GLB1: variants seen among roughly 807,000 people sequenced by gnomAD.
GLB1 encodes the protein beta-galactosidase.
In GLB1, 56 loss-of-function variants were observed where a neutral mutation model predicts 74.0. The ratio of observed to expected loss-of-function variants is 0.76; its 90% CI spans 0.61 to 0.94. The LOEUF (loss-of-function observed/expected upper bound fraction) is 0.94, where lower values mean the gene tolerates loss of function less well. Ranked by LOEUF, GLB1 falls within the 40% of genes least tolerant of loss-of-function variation. The pLI is 0.00. For synonymous variants in GLB1, 323 were observed against 323.6 expected (o/e 1.00, Z 0.02); for missense variants, 787 against 845.5 (o/e 0.93, Z 0.86).
At position 33,088,572 on chromosome 3, in the gene GLB1, T is replaced by C. The variant is rs575912152; in HGVS notation, c.75+8439A>G. ...TCAAAAAGAATAAAATACTTAGAAA[T>C]AGGCCTAACTAAGGTGAAAGACTAC... On this transcript the variant is annotated intron_variant, in intron 1 of 15. Coordinates refer to ENST00000307363, the MANE Select transcript of GLB1 (RefSeq NM_000404.4). Among the ~76,000 whole-genome samples the C allele has an allele frequency of 6.6e-5, 10 of 152,056 alleles. No homozygotes were observed. The South Asian group carries it at 2.1e-3, about 32-fold the overall frequency.
At chr3:33,010,842 CT>C (rs35201739) in intron 15 of GLB1, among the ~76,000 whole-genome samples, 40,961 of 151,870 alleles carry the variant, frequency 0.27, 6,145 homozygotes, top group East Asian at 0.47. Flanking sequence ...AAACAGCATA[CT>C]TTTTTTGTTT....
At chr3:33,094,424 T>C in intron 1 of GLB1, 1 of 1,185,326 alleles carries the variant, frequency 8.4e-7, no homozygotes, top group Admixed American at 3.6e-5. Context: ...CAAATACCAG[T>C]CAGTTGCTAG....
chr3:33,023,552 C>T (rs753423754), intron 11 of GLB1, among the ~76,000 whole-genome samples: 67 of 151,162 alleles, frequency 4.4e-4, no homozygotes, highest in South Asian at 1.5e-3. Flanking sequence ...AAATAGGTAA[C>T]GGTTCTTTTT....
chr3:32,971,882 G>A, the GLB1 span, among the ~76,000 whole-genome samples: 1 of 152,170 alleles, frequency 6.6e-6, no homozygotes, highest in African/African-American at 2.4e-5. Flanking sequence ...CGGGCATATC[G>A]GCAACTGCTG....
intron 1 of GLB1, among the ~76,000 whole-genome samples, chr3:33,081,196 T>G (rs1381830879): frequency 6.6e-6 from 1 of 152,202 alleles, no homozygotes; most frequent in Non-Finnish European, 1.5e-5. Context: ...CAGAGGCTTC[T>G]GTGGCAATGT....
chr3:33,028,346 G>A (rs1170257761), intron 10 of GLB1, among the ~76,000 whole-genome samples: 1 of 152,034 alleles, frequency 6.6e-6, no homozygotes, highest in African/African-American at 2.4e-5. Flanking sequence ...TTCCTTTCTT[G>A]CTATTATGGT....
In GLB1 at chr3:33,068,697, T is replaced by G. The variant is rs189512283; in HGVS notation, c.396+123A>C. 2,828 of 1,564,200 alleles carry G rather than the reference T, an allele frequency of 1.8e-3. 2 individuals carry two copies. Among genetic ancestry groups the G allele is most frequent in the Non-Finnish European group, 2.3e-3 (2,606 of 1,151,836 alleles). On this transcript the variant is annotated intron_variant, in intron 3 of 15. Transcript: ENST00000307363. ...ACCTTGTCAAGGTAAAAGACACCTG[T>G]GCTGGGTACAGTCCCAGGCCCCATG...
At position 33,051,615 on chromosome 3, in the gene GLB1, A is replaced by AAAAAAG. The variant is rs764769471; in HGVS notation, c.955+142_955+143insCTTTTT. On this transcript the variant is annotated intron_variant, in intron 9 of 15. Transcript: ENST00000307363. ...GTGAGACTGTCTACAAAAAAAAAAA[A>AAAAAAG]AAAAGAAAAAGAAAAAAAAAGAAAA... The AAAAAAG allele has an allele frequency of 0.011, 13,290 of 1,168,968 alleles. 494 individuals carry two copies. The East Asian group carries it at 0.23, about 20-fold the overall frequency. The allele number at this position is 1,168,968 out of a possible 1,614,324, so 72.4% of individuals were successfully genotyped here. A position where few individuals can be genotyped will look rare whatever the true frequency, so the allele number is the denominator to read the frequency against.
At chr3:33,009,392 G>A (rs1159790424) in intron 15 of GLB1, among the ~76,000 whole-genome samples, 1 of 150,718 alleles carries the variant, frequency 6.6e-6, no homozygotes, top group Non-Finnish European at 1.5e-5. Flanking sequence ...TGTGGTGGGG[G>A]GTGCCTGTAA....
chr3:33,026,776 A>G (rs73057087), intron 10 of GLB1, among the ~76,000 whole-genome samples: 43,961 of 151,906 alleles, frequency 0.29, 8,034 homozygotes, highest in Middle Eastern at 0.46. Context: ...GGATGGGACA[A>G]TCTACCCACA....
At chr3:33,091,872 T>C in intron 1 of GLB1, 1 of 985,402 alleles carries the variant, frequency 1.0e-6, no homozygotes, top group Non-Finnish European at 1.2e-6. Context: ...CTTATCTCCA[T>C]CTCAGGATCA....
chr3:33,011,377 G>A (rs1199894959), intron 15 of GLB1, among the ~76,000 whole-genome samples: 9 of 150,950 alleles, frequency 6.0e-5, no homozygotes, highest in Non-Finnish European at 1.0e-4. Flanking sequence ...AGCACTTTTC[G>A]AGACTTCATT....
intron 10 of GLB1, among the ~76,000 whole-genome samples, chr3:33,027,242 G>A (rs779586750): frequency 4.6e-5 from 7 of 152,250 alleles, no homozygotes; most frequent in Non-Finnish European, 7.3e-5. Flanking sequence ...GCAGAGGGCT[G>A]GCGCCTGTGC....
At chr3:32,990,759 G>C in the GLB1 span, among the ~76,000 whole-genome samples, 4 of 152,160 alleles carry the variant, frequency 2.6e-5, no homozygotes, top group Non-Finnish European at 5.9e-5. Context: ...AGATCACGAG[G>C]TCAGGAGATC....
At chr3:32,974,676 A>T in the GLB1 span, among the ~76,000 whole-genome samples, 1 of 152,196 alleles carries the variant, frequency 6.6e-6, no homozygotes, top group Admixed American at 6.5e-5. Flanking sequence ...AAACCTGGCC[A>T]TCTTGAGACC....
intron 1 of GLB1, among the ~76,000 whole-genome samples, chr3:33,073,041 A>G (rs1699944008): frequency 6.6e-6 from 1 of 152,094 alleles, no homozygotes; most frequent in Non-Finnish European, 1.5e-5. Flanking sequence ...ACACACACGC[A>G]TGCACGCACA....
At chr3:32,962,120 G>A in the GLB1 span, among the ~76,000 whole-genome samples, 4 of 151,956 alleles carry the variant, frequency 2.6e-5, no homozygotes, top group East Asian at 1.9e-4. Flanking sequence ...ATTAAACCCA[G>A]GAGGCGGAGG....
At chr3:33,042,924 T>C (rs932912250) in intron 10 of GLB1, among the ~76,000 whole-genome samples, 1 of 152,216 alleles carries the variant, frequency 6.6e-6, no homozygotes, top group Admixed American at 6.5e-5. Context: ...GATGAATGTT[T>C]GTTAAATCAT....
intron 13 of GLB1, among the ~76,000 whole-genome samples, chr3:33,017,223 A>G (rs1697270215): frequency 6.6e-6 from 1 of 152,234 alleles, no homozygotes; most frequent in Admixed American, 6.5e-5. Flanking sequence ...ACATGGAGAG[A>G]TAAGACAAAA....
Sources: gnomAD v4.1 joint callset for allele counts (sites outside exome capture counted in the v4.1 genomes callset) on GRCh38, gnomAD v4.1.1 for gene constraint, MANE v1.5 for transcripts, NCBI Gene and HGNC (gene_info 2026-07-23, HGNC 2026-07-21) for gene names.